FBN2: variants seen among roughly 807,000 people sequenced by gnomAD.
The protein encoded by FBN2 is fibrillin-2.
In FBN2, 105 loss-of-function variants were observed where a neutral mutation model predicts 355.6. The ratio of observed to expected loss-of-function variants is 0.30; its 90% CI spans 0.25 to 0.35. FBN2 has a LOEUF of 0.35. Ranked by LOEUF, FBN2 falls within the 10% of genes least tolerant of loss-of-function variation. The pLI, the probability that FBN2 is intolerant of heterozygous loss-of-function variation, is 1.00. For synonymous variants in FBN2, 1,350 were observed against 1,301.2 expected, an observed-to-expected ratio of 1.04 and a Z score of -0.81; for missense variants, 3,280 against 3,758.7, an observed-to-expected ratio of 0.87 and a Z score of 3.33.
chr5:128,524,229 C>A (rs1756508160), intron 4 of FBN2, among the ~76,000 whole-genome samples: 1 of 152,068 alleles, frequency 6.6e-6, no homozygotes, highest in African/African-American at 2.4e-5. Context: ...AACAATTTTT[C>A]CATAGATTTA....
rs539214970 is a variant in FBN2 at position 128,392,651 on chromosome 5, G to C, written c.1465+484C>G. Among the ~76,000 whole-genome samples, 8 of 152,286 alleles carry C rather than the reference G, an allele frequency of 5.3e-5. No homozygotes were observed. The East Asian group carries it at 1.5e-3, about 29-fold the overall frequency. On this transcript the variant is annotated intron_variant, in intron 10 of 64. Transcript: ENST00000262464. Reference sequence around the variant, plus strand: ...ATTTAACAAAAAAGGGTGAGGAAAGGAAAGATATGTACGTTACAATATTTG... The same window carrying C: ...ATTTAACAAAAAAGGGTGAGGAAAGCAAAGATATGTACGTTACAATATTTG...
At chr5:128,448,130 A>G (rs1754123981) in intron 6 of FBN2, among the ~76,000 whole-genome samples, 1 of 152,154 alleles carries the variant, frequency 6.6e-6, no homozygotes, top group Non-Finnish European at 1.5e-5. Context: ...CTGTAGACCC[A>G]GAGCAGAATT....
chr5:128,393,344 T>A lies in FBN2; in HGVS notation c.1256A>T (p.Asp419Val). ...GSEEYRRLCMDGLPMGGIPGS... is the reference protein window; with the variant it reads ...GSEEYRRLCMVGLPMGGIPGS... ...TGGAATTCCTCCCATTGGAAGTCCA[T>A]CCATGCAAAGTCTGCGATATTCCTC... The change falls in exon 10 of 65, where the codon GAT becomes GTT. Residue 419 changes from aspartate to valine, a missense_variant. Asp to Val is a radical substitution (Grantham distance 152). Around this residue, in one of 6 missense-constraint regions of FBN2, gnomAD observed 343 missense variants for 331.0 expected, o/e 1.04. Coordinates refer to ENST00000262464, the MANE Select transcript of FBN2 (RefSeq NM_001999.4). 3 of 1,614,052 alleles carry A rather than the reference T, an allele frequency of 1.9e-6. No individual in the cohort carries two copies. The highest frequency in any genetic ancestry group is 2.5e-6 in the Non-Finnish European group (3 of 1,179,938).
intron 55 of FBN2, among the ~76,000 whole-genome samples, chr5:128,280,818 G>A (rs1765518972): frequency 6.6e-6 from 1 of 152,092 alleles, no homozygotes; most frequent in Non-Finnish European, 1.5e-5. Context: ...GGTAGTTAAT[G>A]GGAGAGGCAG....
intron 3 of FBN2, among the ~76,000 whole-genome samples, 193 bp downstream of exon 3, chr5:128,530,402 G>C (rs1756671542): frequency 1.3e-5 from 2 of 152,130 alleles, no homozygotes; most frequent in South Asian, 4.1e-4. Flanking sequence ...GTTTCCTTGG[G>C]CCAGTTAATT....
intron 48 of FBN2, among the ~76,000 whole-genome samples, chr5:128,295,848 C>T (rs1313082537): frequency 7.2e-6 from 1 of 139,598 alleles, no homozygotes; most frequent in Non-Finnish European, 1.5e-5. Flanking sequence ...TGCCTGATTG[C>T]CCTGGCCAGA....
At position 128,299,543 on chromosome 5, in the gene FBN2, C is replaced by T. The variant is rs78555303; in HGVS notation, c.6166+1274G>A. ...CTCCTGGTGCGCCGTTTTTTAAGCC[C>T]GTCGGAAAACCGCAGTATTCGGGTG... On this transcript the variant is annotated intron_variant, in intron 48 of 64. Transcript: ENST00000262464. 7.9e-5 allele frequency among the ~76,000 whole-genome samples: 12 copies of T among 152,168 alleles called. No individual in the cohort carries two copies. The South Asian group carries it at 1.5e-3, about 18-fold the overall frequency.
intron 5 of FBN2, among the ~76,000 whole-genome samples, chr5:128,515,320 G>C (rs2127157221): frequency 6.6e-6 from 1 of 152,290 alleles, no homozygotes; most frequent in Admixed American, 6.5e-5. Context: ...TGAGTGGCAG[G>C]TTGTGGTTGA....
At chr5:128,519,494 A>G in intron 4 of FBN2, 126 bp from the exon 5 acceptor site, 1 of 737,360 alleles carries the variant, frequency 1.4e-6, no homozygotes, top group Non-Finnish European at 2.4e-6. Flanking sequence ...TTAAACTGCA[A>G]CTTGTATAAA....
At chr5:128,419,335 CTG>C (rs1753285196) in intron 7 of FBN2, among the ~76,000 whole-genome samples, 2 of 152,102 alleles carry the variant, frequency 1.3e-5, no homozygotes, top group Admixed American at 1.3e-4. Context: ...TGGCTAGAAC[CTG>C]TAGTACAATG....
At chr5:128,504,296 A>ACTGT (rs973019551) in intron 5 of FBN2, among the ~76,000 whole-genome samples, 4 of 152,186 alleles carry the variant, frequency 2.6e-5, no homozygotes, top group African/African-American at 9.6e-5. Flanking sequence ...CCACTGGGAC[A>ACTGT]CTGTCTAGTG....
chr5:128,505,221 C>T (rs1425622049), intron 5 of FBN2, among the ~76,000 whole-genome samples: 1 of 152,150 alleles, frequency 6.6e-6, no homozygotes, highest in Non-Finnish European at 1.5e-5. Flanking sequence ...ACTACAATGG[C>T]CATCTGCTCC....
intron 34 of FBN2, among the ~76,000 whole-genome samples, chr5:128,322,557 CTTGT>C (rs1347901173): frequency 6.6e-6 from 1 of 152,094 alleles, no homozygotes; most frequent in African/African-American, 2.4e-5. Context: ...CTCCCCATTG[CTTGT>C]TTTTTTCAGG....
At chr5:128,491,850 G>A (rs1244395583) in intron 5 of FBN2, among the ~76,000 whole-genome samples, 1 of 152,058 alleles carries the variant, frequency 6.6e-6, no homozygotes, top group Non-Finnish European at 1.5e-5. Context: ...TTCGTTTGGG[G>A]CAATTAATGA....
intron 8 of FBN2, among the ~76,000 whole-genome samples, chr5:128,399,799 G>T (rs577753100): frequency 5.3e-5 from 8 of 152,000 alleles, no homozygotes; most frequent in Non-Finnish European, 1.2e-4. Context: ...TGAAGCAACA[G>T]AAATAAAGTA....
intron 34 of FBN2, among the ~76,000 whole-genome samples, chr5:128,324,852 C>CTCA (rs1474905350): frequency 6.6e-6 from 1 of 152,064 alleles, no homozygotes; most frequent in African/African-American, 2.4e-5. Context: ...ATCACCTGAC[C>CTCA]TCATGATCCA....
At chr5:128,465,230 G>T (rs1038552589) in intron 5 of FBN2, among the ~76,000 whole-genome samples, 1 of 152,094 alleles carries the variant, frequency 6.6e-6, no homozygotes, top group African/African-American at 2.4e-5. Context: ...TGTAAACTTG[G>T]GAAATTCCAC....
chr5:128,501,070 A>C (rs182513399), intron 5 of FBN2, among the ~76,000 whole-genome samples: 10 of 152,310 alleles, frequency 6.6e-5, no homozygotes, highest in African/African-American at 2.2e-4. Flanking sequence ...AGGAAGACAG[A>C]CTAATGCTGA....
Position 128,527,902 on chromosome 5 carries a change from T to C in FBN2, c.502A>G (p.Lys168Glu). Residue 168 changes from lysine (K) to glutamate (E), a missense_variant, in exon 4 of 65, where the codon AAA (lysine) becomes GAA (glutamate). Physicochemically the swap from Lys to Glu is moderately conservative, Grantham distance 56. Around this residue, in one of 6 missense-constraint regions of FBN2, gnomAD observed 130 missense variants for 189.9 expected, o/e 0.68. Coordinates refer to ENST00000262464, the MANE Select transcript of FBN2 (RefSeq NM_001999.4). ...TCADDHCQCQ[K>E]GYIGTYCGQP... ...CCACAATAAGTTCCAATATATCCTT[T>C]CTGGCACTGGCAGTGGTCATCTGCA... 1 of 1,612,252 alleles carries C rather than the reference T, an allele frequency of 6.2e-7. No individual in the cohort carries two copies. Among genetic ancestry groups the C allele is most frequent in the Non-Finnish European group, 8.5e-7 (1 of 1,178,610 alleles).
Sources: gnomAD v4.1 joint callset for allele counts (sites outside exome capture counted in the v4.1 genomes callset) on GRCh38, gnomAD v4.1.1 for gene constraint, gnomAD v4.1.1 regional missense constraint, MANE v1.5 for transcripts, NCBI Gene and HGNC (gene_info 2026-07-23, HGNC 2026-07-21) for gene names.